Variants in KCTD8 observed in about 807,000 individuals in gnomAD.
The protein encoded by KCTD8 is BTB/POZ domain-containing protein KCTD8.
In KCTD8, 27 loss-of-function variants were observed where a neutral mutation model predicts 31.5. The ratio of observed to expected loss-of-function variants is 0.86; its 90% confidence interval spans 0.63 to 1.18. KCTD8 has a LOEUF of 1.18. Among genes scored for constraint, KCTD8 ranks in the 50% most tolerant of loss-of-function variants. The pLI, the probability that KCTD8 is intolerant of heterozygous loss-of-function variation, is 0.00. For missense variants in KCTD8, 658 were observed against 647.7 expected (o/e 1.02, Z -0.17); for synonymous variants, 290 against 280.0 (o/e 1.04, Z -0.36).
At chr4:44,357,117 CAT>C (rs1719364869) in intron 1 of KCTD8, among the ~76,000 whole-genome samples, 1 of 147,264 alleles carries the variant, frequency 6.8e-6, no homozygotes, top group Non-Finnish European at 1.5e-5. Flanking sequence ...TCAAAACAAA[CAT>C]ATAGTTAAAA....
intron 1 of KCTD8, among the ~76,000 whole-genome samples, chr4:44,331,735 A>G (rs1718595014): frequency 6.7e-6 from 1 of 149,570 alleles, no homozygotes. Context: ...ATAGTTTTAT[A>G]TATATATATA....
chr4:44,273,262 G>A (rs1025227194), intron 1 of KCTD8, among the ~76,000 whole-genome samples: 1 of 151,876 alleles, frequency 6.6e-6, no homozygotes, highest in Admixed American at 6.6e-5. Context: ...TAAAGAACAA[G>A]TATATTGAAA....
intron 1 of KCTD8, among the ~76,000 whole-genome samples, chr4:44,205,919 CTAATGGCATA>C (rs1340820477): frequency 6.6e-6 from 1 of 152,002 alleles, no homozygotes; most frequent in Non-Finnish European, 1.5e-5. Flanking sequence ...CCCTCTAAAG[CTAATGGCATA>C]GAGGAGAAAA....
chr4:44,439,789 C>G (rs533473734), intron 1 of KCTD8, among the ~76,000 whole-genome samples: 2 of 152,106 alleles, frequency 1.3e-5, no homozygotes, highest in African/African-American at 4.8e-5. Flanking sequence ...AAAGCAAGTA[C>G]TTAACACTAC....
At chr4:44,287,003 A>C (rs1717099325) in intron 1 of KCTD8, among the ~76,000 whole-genome samples, 1 of 152,206 alleles carries the variant, frequency 6.6e-6, no homozygotes. Flanking sequence ...TTATTTACTA[A>C]GTTAAGGAGA....
At chr4:44,312,028 A>G (rs1334768008) in intron 1 of KCTD8, among the ~76,000 whole-genome samples, 1 of 152,024 alleles carries the variant, frequency 6.6e-6, no homozygotes, top group Non-Finnish European at 1.5e-5. Flanking sequence ...TACAAGTCTC[A>G]CATTCTTCTT....
intron 1 of KCTD8, among the ~76,000 whole-genome samples, chr4:44,420,588 G>C (rs771512140): frequency 1.3e-5 from 2 of 152,128 alleles, no homozygotes; most frequent in Non-Finnish European, 2.9e-5. Context: ...CCTTGAGGTA[G>C]ATGTTTGGTG....
At position 44,302,834 on chromosome 4, in the gene KCTD8, A is replaced by G. The variant is rs530522933; in HGVS notation, c.962-127584T>C. Among the ~76,000 whole-genome samples, 387 of 152,164 alleles carry G rather than the reference A, an allele frequency of 2.5e-3. 4 individuals are homozygous for G. Among genetic ancestry groups the G allele is most frequent in the African/African-American group, 8.6e-3 (356 of 41,486 alleles). On this transcript the variant is annotated intron_variant, in intron 1 of 1. Coordinates refer to ENST00000360029, the MANE Select transcript of KCTD8 (RefSeq NM_198353.3). ...GAATGCTTCCAGTTTTTGCCCATTC[A>G]GTATGATATTGGCTGTGGGTTTGTC...
chr4:44,287,557 C>T (rs1444005694), intron 1 of KCTD8, among the ~76,000 whole-genome samples: 1 of 152,132 alleles, frequency 6.6e-6, no homozygotes, highest in Non-Finnish European at 1.5e-5. Flanking sequence ...ATTTTTAAAC[C>T]TATCTAATAA....
At chr4:44,351,830 A>G (rs1719202663) in intron 1 of KCTD8, among the ~76,000 whole-genome samples, 1 of 152,086 alleles carries the variant, frequency 6.6e-6, no homozygotes, top group African/African-American at 2.4e-5. Context: ...TAGCTACACA[A>G]CTGAACTGAA....
intron 1 of KCTD8, among the ~76,000 whole-genome samples, chr4:44,276,590 C>A (rs552887021): frequency 5.9e-5 from 9 of 151,956 alleles, no homozygotes; most frequent in African/African-American, 2.2e-4. Context: ...AGTAACCAAT[C>A]TTGAATCACC....
At chr4:44,347,257 T>A (rs1182674021) in intron 1 of KCTD8, among the ~76,000 whole-genome samples, 1 of 152,362 alleles carries the variant, frequency 6.6e-6, no homozygotes, top group East Asian at 1.9e-4. Context: ...TGAAAGGTCA[T>A]CTGAGTTTCT....
chr4:44,397,077 C>T (rs34108977), intron 1 of KCTD8, among the ~76,000 whole-genome samples: 11,788 of 152,080 alleles, frequency 0.078, 487 homozygotes, highest in South Asian at 0.14. Context: ...CAAAAAATAA[C>T]CCCTTAATTT....
intron 1 of KCTD8, among the ~76,000 whole-genome samples, chr4:44,254,924 T>A (rs1715949288): frequency 1.3e-5 from 2 of 151,888 alleles, no homozygotes; most frequent in South Asian, 4.1e-4. Context: ...ATTTATAATT[T>A]GGCTGAGGGA....
chr4:44,421,262 C>G (rs1257106919), intron 1 of KCTD8, among the ~76,000 whole-genome samples: 2 of 152,078 alleles, frequency 1.3e-5, no homozygotes, highest in Admixed American at 1.3e-4. Context: ...GAGACACATA[C>G]ATGAAAATTT....
At chr4:44,228,630 T>C (rs556625225) in intron 1 of KCTD8, among the ~76,000 whole-genome samples, 3 of 152,226 alleles carry the variant, frequency 2.0e-5, no homozygotes, top group South Asian at 2.1e-4. Context: ...TTCATCTTTC[T>C]TTTTCACTGC....
chr4:44,239,381 T>C (rs983140065), intron 1 of KCTD8, among the ~76,000 whole-genome samples: 1 of 152,142 alleles, frequency 6.6e-6, no homozygotes, highest in African/African-American at 2.4e-5. Flanking sequence ...GCAAGATACT[T>C]AACCTCTCTG....
At chr4:44,247,273 C>G (rs191090102) in intron 1 of KCTD8, among the ~76,000 whole-genome samples, 6 of 151,954 alleles carry the variant, frequency 3.9e-5, no homozygotes, top group Non-Finnish European at 5.9e-5. Context: ...GAAAAAAAAG[C>G]ATCTTAGAAC....
intron 1 of KCTD8, among the ~76,000 whole-genome samples, chr4:44,437,614 C>A (rs1398942392): frequency 2.0e-5 from 3 of 151,902 alleles, no homozygotes; most frequent in Admixed American, 1.3e-4. Flanking sequence ...TTATTAATAG[C>A]AATATACTCA....
Sources: allele counts gnomAD v4.1 joint callset (sites outside exome capture counted in the v4.1 genomes callset), GRCh38; gene constraint gnomAD v4.1.1; transcripts MANE v1.5; gene names NCBI Gene and HGNC (gene_info 2026-07-23, HGNC 2026-07-21).